Variants in PEX16 observed in about 807,000 individuals in gnomAD.
The protein encoded by PEX16 is peroxisomal biogenesis factor 16.
A neutral mutation model predicts 50.5 loss-of-function variants in PEX16; 37 were observed. The ratio of observed to expected loss-of-function variants is 0.73; its 90% CI spans 0.56 to 0.96. The LOEUF (loss-of-function observed/expected upper bound fraction) is 0.96. Among genes scored for constraint, PEX16 ranks in the 40% least tolerant of loss-of-function variants. The pLI is 0.00. For synonymous variants in PEX16, 185 were observed against 190.3 expected (o/e 0.97, Z 0.23); for missense variants, 401 against 438.3 (o/e 0.91, Z 0.76).
chr11:45,913,651 G>C (rs563932488), intron 9 of PEX16, among the ~76,000 whole-genome samples, 168 bp downstream of exon 9: 5 of 152,242 alleles, frequency 3.3e-5, no homozygotes, highest in Non-Finnish European at 5.9e-5. Context: ...GGCCCAGAGA[G>C]CTCTGCGGGC....
intron 8 of PEX16, 31 bp downstream of exon 8, chr11:45,914,100 A>T (rs1393753069): frequency 1.3e-6 from 2 of 1,582,660 alleles, no homozygotes; most frequent in Non-Finnish European, 1.7e-6. Flanking sequence ...AGCCCAGTGG[A>T]GAGTGAAGCC....
chr11:45,911,576 C>T (rs531739381), intron 9 of PEX16, among the ~76,000 whole-genome samples: 4 of 152,348 alleles, frequency 2.6e-5, no homozygotes, highest in East Asian at 3.9e-4. Flanking sequence ...CTGCTGTACG[C>T]GTTAGTCACT....
At chr11:45,913,657 C>T (rs1054069413) in intron 9 of PEX16, among the ~76,000 whole-genome samples, 162 bp downstream of exon 9, 1 of 152,178 alleles carries the variant, frequency 6.6e-6, no homozygotes, top group Non-Finnish European at 1.5e-5. Flanking sequence ...GAGAGCTCTG[C>T]GGGCGGGACT....
At chr11:45,917,880 C>A (rs1463419994), upstream of PEX16, 1 of 1,140,422 alleles carries the variant, frequency 8.8e-7, no homozygotes, top group African/African-American at 1.5e-5. Flanking sequence ...CTTCCTGCGC[C>A]CTCCTTCCTG....
At chr11:45,913,510 T>C (rs2086798361) in intron 9 of PEX16, among the ~76,000 whole-genome samples, 1 of 152,146 alleles carries the variant, frequency 6.6e-6, no homozygotes. Flanking sequence ...CAGGAAGAAG[T>C]GGAAATGAGC....
Position 45,909,768 on chromosome 11 carries a change from A to G in PEX16, c.*486T>C, listed in dbSNP as rs866296443. The G allele has an allele frequency of 6.8e-6, 3 of 439,242 alleles. No individual in the cohort carries two copies. The highest frequency in any genetic ancestry group is 3.6e-5 in the Admixed American group (1 of 28,092). 27.2% of individuals were successfully genotyped at this position (439,242 alleles called of 1,614,324 possible). On this transcript the variant is annotated 3_prime_UTR_variant, in exon 11 of 11. Coordinates refer to ENST00000378750, the MANE Select transcript of PEX16 (RefSeq NM_004813.4). ...CTGTTCACCAGGCTCTGTCACAGGG[A>G]GGCTGGCAACGCCATGGCCTGGGGC... is the stretch of plus-strand genomic sequence containing the variant.
chr11:45,910,876 TCG>T lies in PEX16; in HGVS notation c.952+20_952+21del, dbSNP rs541010446. 216 of 1,610,136 alleles carry T rather than the reference TCG, an allele frequency of 1.3e-4. No homozygotes were observed. In the African/African-American group the frequency reaches 2.4e-3, roughly 18 times the overall value. ...CATGCGCCTTCCAGCACTACAGTCA[TCG>T]CGTCCCCATCCCTGCTTACTTGTGA... is the stretch of plus-strand genomic sequence containing the variant. On this transcript the variant is annotated intron_variant, in intron 10 of 10. Coordinates refer to ENST00000378750, the MANE Select transcript of PEX16 (RefSeq NM_004813.4).
In PEX16 at chr11:45,916,348, C is replaced by T. The variant is rs750695186; in HGVS notation, c.149-45G>A. On this transcript the variant is annotated intron_variant, in intron 2 of 10. Transcript: ENST00000378750. ...CTTGAGAGGCTGGCTCTGCAGCCTC[C>T]ATCCCTCTCACCTTCTCCCCAGAGC... The T allele has an allele frequency of 1.8e-5, 25 of 1,397,284 alleles. No homozygotes were observed. In the African/African-American group the frequency reaches 3.1e-4, roughly 17 times the overall value. 86.6% of individuals were successfully genotyped at this position (1,397,284 alleles called of 1,614,324 possible).
At chr11:45,915,282 G>A (rs1192119657) in intron 5 of PEX16, among the ~76,000 whole-genome samples, 186 bp downstream of exon 5, 2 of 152,242 alleles carry the variant, frequency 1.3e-5, no homozygotes, top group African/African-American at 2.4e-5. Flanking sequence ...TACTGGGTTC[G>A]TGTTCTGATT....
At chr11:45,912,178 G>A (rs2086785962) in intron 9 of PEX16, among the ~76,000 whole-genome samples, 4 of 151,994 alleles carry the variant, frequency 2.6e-5, no homozygotes, top group African/African-American at 9.7e-5. Context: ...AGAAGGAGCA[G>A]CCTTACTCTT....
At position 45,914,172 on chromosome 11, in the gene PEX16, C is replaced by T. The variant is rs200414298; in HGVS notation, c.726G>A (p.Ser242=). The change falls in exon 8 of 11, where the codon TCG becomes TCA. Residue 242 remains serine, a synonymous_variant. Coordinates refer to ENST00000378750, the MANE Select transcript of PEX16 (RefSeq NM_004813.4). ...CACCAGCCAAGAGCCAGGGTTTCCA[C>T]GACCTCTGACCCCACAGGCCCAGGC... ...LLSLGLWGQR[S]WKPWLLAGVV... The T allele has an allele frequency of 1.6e-4, 265 of 1,611,030 alleles. No individual in the cohort carries two copies. The highest frequency in any genetic ancestry group is 2.1e-4 in the South Asian group (19 of 90,586).
chr11:45,917,715 T>C lies in PEX16; in HGVS notation c.97A>G (p.Ser33Gly). ...AQLETAVRGFSYLLAGRFADS... is the reference protein window; with the variant it reads ...AQLETAVRGFGYLLAGRFADS... The stretch of plus-strand genomic sequence containing the variant: ...AGGGTGGCACCTGCCAGCAGGTAAC[T>C]GAAGCCCCGCACTGCTGTCTCCAGC... The change falls in exon 1 of 11, where the codon AGT becomes GGT. Residue 33 changes from serine (S) to glycine (G), a missense_variant. Physicochemically the swap from Ser to Gly is moderately conservative, Grantham distance 56. Transcript: ENST00000378750. The C allele has an allele frequency of 6.4e-7, 1 of 1,559,736 alleles. No homozygotes were observed. The highest frequency in any genetic ancestry group is 8.7e-7 in the Non-Finnish European group (1 of 1,151,644).
intron 2 of PEX16, 129 bp downstream of exon 2, chr11:45,917,329 A>T: frequency 1.2e-6 from 1 of 806,656 alleles, no homozygotes; most frequent in Non-Finnish European, 2.1e-6. Context: ...CCTTGTGCCG[A>T]TTCAGTCATA....
chr11:45,917,976 A>G (rs1366042281), upstream of PEX16: 3 of 689,290 alleles, frequency 4.4e-6, no homozygotes, highest in African/African-American at 3.5e-5. Flanking sequence ...ACCACCCTTC[A>G]CCCCATCTCT....
At chr11:45,911,113 C>T (rs970116733) in intron 9 of PEX16, 151 bp from the exon 10 acceptor site, 13 of 659,736 alleles carry the variant, frequency 2.0e-5, no homozygotes, top group South Asian at 1.7e-4. Context: ...GGACAAAGCC[C>T]GGTACACAAG....
In PEX16 at chr11:45,914,191, C is replaced by A. The variant is rs2134692571; in HGVS notation, c.707G>T (p.Gly236Val). Residue 236 changes from glycine to valine, a missense_variant, in exon 8 of 11, where the codon GGC becomes GTC. Coordinates refer to ENST00000378750, the MANE Select transcript of PEX16 (RefSeq NM_004813.4). Reference sequence around the variant, plus strand: ...TTTCCACGACCTCTGACCCCACAGGCCCAGGCTGAGCACTGACGGCCAAGG... The same window carrying A: ...TTTCCACGACCTCTGACCCCACAGGACCAGGCTGAGCACTGACGGCCAAGG... ...ARPLLHLLSL[G>V]LWGQRSWKPW... is the part of the protein sequence containing the mutation. 6.8e-6 allele frequency: 11 copies of A among 1,612,986 alleles called. No individual in the cohort carries two copies. The highest frequency in any genetic ancestry group is 9.3e-6 in the Non-Finnish European group (11 of 1,179,604).
intron 5 of PEX16, 28 bp downstream of exon 5, chr11:45,915,440 C>T (rs1290627663): frequency 3.8e-6 from 6 of 1,577,324 alleles, no homozygotes; most frequent in East Asian, 2.2e-5. Flanking sequence ...TGGCCCATTC[C>T]GCTCCAGGGC....
At position 45,909,930 on chromosome 11, in the gene PEX16, C is replaced by T. The variant is rs879320611; in HGVS notation, c.*324G>A. The T allele has an allele frequency of 8.3e-5, 57 of 682,788 alleles. No homozygotes were observed. Among genetic ancestry groups the T allele is most frequent in the Non-Finnish European group, 1.1e-4 (43 of 384,658 alleles). 42.3% of individuals were successfully genotyped at this position (682,788 alleles called of 1,614,324 possible). On this transcript the variant is annotated 3_prime_UTR_variant, in exon 11 of 11. Coordinates refer to ENST00000378750, the MANE Select transcript of PEX16 (RefSeq NM_004813.4). ...GGGCCAGCGAGAGAGCAGCAGTGTT[C>T]GCTCCTATGGCTGCCGAGGCGAGCA...
chr11:45,909,829 A>G lies in PEX16; in HGVS notation c.*425T>C. 3.7e-6 allele frequency: 2 copies of G among 546,366 alleles called. No individual in the cohort carries two copies. Among genetic ancestry groups the G allele is most frequent in the South Asian group, 4.2e-5 (2 of 48,072 alleles). The allele number at this position is 546,366 out of a possible 1,614,324, so 33.8% of individuals were successfully genotyped here. Reference sequence around the variant, plus strand: ...ACAGGGCCCTGCGGAGAAGGGGCAGACGGAGGGCCCCAGCCAGAAGACACG... The same window carrying G: ...ACAGGGCCCTGCGGAGAAGGGGCAGGCGGAGGGCCCCAGCCAGAAGACACG... On this transcript the variant is annotated 3_prime_UTR_variant, in exon 11 of 11. Coordinates refer to ENST00000378750, the MANE Select transcript of PEX16 (RefSeq NM_004813.4).
Sources: allele counts gnomAD v4.1 joint callset (sites outside exome capture counted in the v4.1 genomes callset), GRCh38; gene constraint gnomAD v4.1.1; transcripts MANE v1.5; gene names NCBI Gene and HGNC (gene_info 2026-07-23, HGNC 2026-07-21).